The following THSD4 variants were observed in gnomAD, a reference collection of about 807,000 sequenced individuals.
The protein encoded by THSD4 is thrombospondin type-1 domain-containing protein 4.
Under a neutral mutation model 119.0 loss-of-function variants are expected in THSD4, and 69 were observed. That is an observed-to-expected ratio of 0.58 (90% CI 0.48 to 0.71). The LOEUF is 0.71. THSD4 is among the 30% of genes least tolerant of loss of function. The pLI is 0.00. For missense variants in THSD4, 1,393 were observed against 1,391.1 expected (o/e 1.00, Z -0.02); for synonymous variants, 524 against 540.4 (o/e 0.97, Z 0.42).
At chr15:71,120,636 C>T (rs980917865) in intron 1 of THSD4, among the ~76,000 whole-genome samples, 1 of 152,284 alleles carries the variant, frequency 6.6e-6, no homozygotes, top group East Asian at 1.9e-4. Flanking sequence ...GACAAAAGCA[C>T]GGAGTGATTA....
chr15:71,132,429 T>C (rs918393559), intron 1 of THSD4, among the ~76,000 whole-genome samples: 6 of 152,212 alleles, frequency 3.9e-5, no homozygotes, highest in African/African-American at 7.2e-5. Context: ...CAAAGCTACA[T>C]GTGTGATTTT....
At chr15:71,460,175 G>A (rs1339937003) in intron 7 of THSD4, among the ~76,000 whole-genome samples, 3 of 152,106 alleles carry the variant, frequency 2.0e-5, no homozygotes, top group Non-Finnish European at 4.4e-5. Context: ...TTCCCTAAGG[G>A]AATGGCTAAG....
chr15:71,387,132 G>A (rs913281086), intron 6 of THSD4, among the ~76,000 whole-genome samples: 3 of 151,926 alleles, frequency 2.0e-5, no homozygotes, highest in South Asian at 2.1e-4. Flanking sequence ...GACTTGGGCC[G>A]GATGCTTTTA....
intron 1 of THSD4, among the ~76,000 whole-genome samples, chr15:71,101,314 C>A (rs796574596): frequency 6.6e-6 from 1 of 152,126 alleles, no homozygotes; most frequent in African/African-American, 2.4e-5. Flanking sequence ...GGTATAAACA[C>A]ATAAATGATA....
At chr15:71,130,000 A>T (rs1429872250) in intron 1 of THSD4, among the ~76,000 whole-genome samples, 1 of 152,084 alleles carries the variant, frequency 6.6e-6, no homozygotes, top group Non-Finnish European at 1.5e-5. Context: ...GCACTGAGAA[A>T]ATATCCTGGA....
At chr15:71,653,611 C>A (rs2051134672) in intron 7 of THSD4, among the ~76,000 whole-genome samples, 1 of 152,158 alleles carries the variant, frequency 6.6e-6, no homozygotes, top group African/African-American at 2.4e-5. Context: ...AGTTGAGAAG[C>A]CCTCACCTTG....
At chr15:71,171,810 T>C (rs1011821546) in intron 3 of THSD4, among the ~76,000 whole-genome samples, 8 of 152,080 alleles carry the variant, frequency 5.3e-5, no homozygotes, top group Non-Finnish European at 1.2e-4. Flanking sequence ...CTGAAAGAAA[T>C]TAAAGAAGTC....
rs1027438215 is a variant in THSD4, at chr15:71,451,718, C to T, written c.1152+39895C>T. The stretch of plus-strand genomic sequence containing the variant: ...ACTAGGCCTGTTTTGGAAAACTGCC[C>T]TCTCTCCCAGAGTTCCTCCCTCCTT... On this transcript the variant is annotated intron_variant, in intron 7 of 17. Transcript: ENST00000261862. 3.9e-5 allele frequency among the ~76,000 whole-genome samples: 6 copies of T among 152,276 alleles called. No homozygotes were observed. The South Asian group carries it at 6.2e-4, about 16-fold the overall frequency.
At chr15:71,300,452 A>G (rs2044933164) in intron 6 of THSD4, among the ~76,000 whole-genome samples, 1 of 152,214 alleles carries the variant, frequency 6.6e-6, no homozygotes, top group Admixed American at 6.5e-5. Flanking sequence ...ACATAGGGAC[A>G]GCTGGGAACT....
intron 9 of THSD4, 52 bp from the exon 10 acceptor site, chr15:71,731,069 A>C: frequency 6.4e-7 from 1 of 1,570,866 alleles, no homozygotes; most frequent in Non-Finnish European, 8.8e-7. Flanking sequence ...TGAAACCCAG[A>C]AGGGGTGTGC....
chr15:71,650,683 G>A (rs2051066420), intron 7 of THSD4, among the ~76,000 whole-genome samples: 2 of 152,102 alleles, frequency 1.3e-5, no homozygotes, highest in African/African-American at 4.8e-5. Flanking sequence ...AGGCCATCCG[G>A]GTACAACATA....
At chr15:71,563,454 G>A (rs183551079) in intron 7 of THSD4, among the ~76,000 whole-genome samples, 6 of 152,256 alleles carry the variant, frequency 3.9e-5, no homozygotes, top group Admixed American at 6.5e-5. Flanking sequence ...TAAGCACTTC[G>A]GGATAGTCAG....
chr15:71,564,922 A>T (rs1325770847), intron 7 of THSD4, among the ~76,000 whole-genome samples: 1 of 151,736 alleles, frequency 6.6e-6, no homozygotes. Context: ...ATCCAGGACA[A>T]AAAGGTTAAA....
intron 8 of THSD4, among the ~76,000 whole-genome samples, chr15:71,697,841 C>T (rs2052196461): frequency 6.6e-6 from 1 of 152,102 alleles, no homozygotes; most frequent in South Asian, 2.1e-4. Flanking sequence ...CATTTTGCAG[C>T]ACAAGATATG....
At chr15:71,737,608 C>T in intron 10 of THSD4, 124 bp from the exon 11 acceptor site, 1 of 1,326,986 alleles carries the variant, frequency 7.5e-7, no homozygotes, top group Non-Finnish European at 1.0e-6. Flanking sequence ...AACAGATGTG[C>T]TTATGTGCTG....
intron 5 of THSD4, among the ~76,000 whole-genome samples, chr15:71,244,697 T>A (rs2044184221): frequency 6.6e-6 from 1 of 152,208 alleles, no homozygotes; most frequent in East Asian, 1.9e-4. Context: ...GCTTTGAGGA[T>A]CAAATGAGGG....
intron 5 of THSD4, 150 bp from the exon 6 acceptor site, chr15:71,256,463 G>A (rs543213769): frequency 2.9e-6 from 1 of 349,766 alleles, no homozygotes; most frequent in African/African-American, 2.3e-5. Context: ...CGACAAGGGT[G>A]AGACTCCATC....
chr15:71,714,215 A>G (rs1243763009), intron 8 of THSD4, among the ~76,000 whole-genome samples: 2 of 152,210 alleles, frequency 1.3e-5, no homozygotes, highest in African/African-American at 2.4e-5. Flanking sequence ...GATAGTTTAT[A>G]TAAGCACTGA....
chr15:71,682,007 G>A (rs2051792553), intron 8 of THSD4, among the ~76,000 whole-genome samples: 1 of 152,198 alleles, frequency 6.6e-6, no homozygotes, highest in African/African-American at 2.4e-5. Flanking sequence ...TGAGGGTCAT[G>A]GGCACGGTCT....
Sources: allele counts gnomAD v4.1 joint callset (sites outside exome capture counted in the v4.1 genomes callset), GRCh38; gene constraint gnomAD v4.1.1; transcripts MANE v1.5; gene names NCBI Gene and HGNC (gene_info 2026-07-23, HGNC 2026-07-21).